USP49: variants seen among roughly 807,000 people sequenced by gnomAD.
The protein encoded by USP49 is ubiquitin carboxyl-terminal hydrolase 49.
In USP49, 24 loss-of-function variants were observed where a neutral mutation model predicts 58.6. The ratio of observed to expected loss-of-function variants is 0.41; its 90% confidence interval spans 0.30 to 0.58. The LOEUF is 0.58. Ranked by LOEUF, USP49 falls within the 20% of genes least tolerant of loss-of-function variation. USP49 has a pLI of 0.30. For synonymous variants in USP49, 408 were observed against 365.1 expected, an observed-to-expected ratio of 1.12 and a Z score of -1.34; for missense variants, 703 against 866.1, an observed-to-expected ratio of 0.81 and a Z score of 2.36.
chr6:41,889,307 A>T (rs917432445), intron 2 of USP49, among the ~76,000 whole-genome samples: 3 of 152,208 alleles, frequency 2.0e-5, no homozygotes, highest in Admixed American at 1.3e-4. Context: ...TGCTAGGATT[A>T]CAGGTATGAG....
At chr6:41,888,293 GA>G (rs1435337114) in intron 2 of USP49, among the ~76,000 whole-genome samples, 9 of 152,120 alleles carry the variant, frequency 5.9e-5, no homozygotes, top group African/African-American at 1.9e-4. Context: ...GGCCTCAAGT[GA>G]TCCACCTGCC....
rs35693450 is a variant in USP49, at chr6:41,863,933, A to ATT, written c.-29+7629_-29+7630dup. 2.0e-3 allele frequency among the ~76,000 whole-genome samples: 273 copies of ATT among 137,666 alleles called. 3 individuals carry two copies. The Middle Eastern group carries it at 0.023, about 12-fold the overall frequency. 90.3% of individuals were successfully genotyped at this position (137,666 alleles called of 152,430 possible). ...CCACCACACCTGGCTAATTTTTGTA[A>ATT]TTTTTTTTTTTTTTTTTGGTAGAGA... On this transcript the variant is annotated intron_variant, in intron 3 of 7. Coordinates refer to ENST00000682992, the MANE Select transcript of USP49 (RefSeq NM_001286554.2).
intron 2 of USP49, among the ~76,000 whole-genome samples, chr6:41,880,557 T>C (rs1247060063): frequency 2.0e-5 from 3 of 152,192 alleles, no homozygotes; most frequent in Non-Finnish European, 4.4e-5. Context: ...ATCAGACTTC[T>C]CGTCAGCAGC....
chr6:41,894,063 CA>C (rs1486569712), intron 1 of USP49: 1 of 151,876 alleles, frequency 6.6e-6, no homozygotes, highest in Non-Finnish European at 1.5e-5. Flanking sequence ...CACCCCCCTG[CA>C]GTCTACCCCA....
chr6:41,844,256 T>G (rs542199483), intron 3 of USP49, among the ~76,000 whole-genome samples: 1 of 151,886 alleles, frequency 6.6e-6, no homozygotes, highest in South Asian at 2.1e-4. Context: ...AACAATTTTC[T>G]AAATGATTGT....
rs114145570 is a variant in USP49, at chr6:41,831,735, C to T, written c.-28-24724G>A. On this transcript the variant is annotated intron_variant, in intron 3 of 7. Transcript: ENST00000682992. Reference sequence around the variant, plus strand: ...CACCACCACAACAACCCATAACCTCCGCTTTTAATGGGCTGTCTGTATGAT... The same window carrying T: ...CACCACCACAACAACCCATAACCTCTGCTTTTAATGGGCTGTCTGTATGAT... Among the ~76,000 whole-genome samples, 1,406 of 152,286 alleles carry T rather than the reference C, an allele frequency of 9.2e-3. 21 individuals carry two copies. The highest frequency in any genetic ancestry group is 0.032 in the African/African-American group (1,327 of 41,564).
intron 4 of USP49, among the ~76,000 whole-genome samples, chr6:41,804,630 T>A (rs2127322204): frequency 6.6e-6 from 1 of 152,254 alleles, no homozygotes; most frequent in South Asian, 2.1e-4. Flanking sequence ...AATTAAACTT[T>A]CCCTTTCCAT....
rs1352958196 is a variant in USP49 at position 41,795,494 on chromosome 6, A to G, written c.*1039T>C. 6.6e-6 allele frequency: 1 copy of G among 152,196 alleles called. No individual in the cohort carries two copies. The highest frequency in any genetic ancestry group is 1.5e-5 in the Non-Finnish European group (1 of 68,046). 9.4% of individuals were successfully genotyped at this position (152,196 alleles called of 1,614,324 possible). On this transcript the variant is annotated 3_prime_UTR_variant, in exon 8 of 8. Coordinates refer to ENST00000682992, the MANE Select transcript of USP49 (RefSeq NM_001286554.2). ...TCAGATATGTACGAGGTGGACTCCT[A>G]AGCAGTTAACATACCCTAGAGAACC...
intron 3 of USP49, among the ~76,000 whole-genome samples, chr6:41,829,612 G>A (rs1213547270): frequency 1.3e-5 from 2 of 152,018 alleles, no homozygotes; most frequent in Non-Finnish European, 2.9e-5. Context: ...CGCGCCTGGC[G>A]GATTCTCTTG....
In USP49 at chr6:41,798,909, CGAT is replaced by C. The variant is rs1487281285; in HGVS notation, c.1688_1690del (p.His563del). 3.7e-6 allele frequency: 6 copies of C among 1,609,364 alleles called. No individual in the cohort carries two copies. The East Asian group carries it at 1.3e-4, about 36-fold the overall frequency. On this transcript the variant is annotated inframe_deletion, in exon 7 of 8. Coordinates refer to ENST00000682992, the MANE Select transcript of USP49 (RefSeq NM_001286554.2). ...GACGACATGGACCCCAATCTTCTCTCGATGATTACGGCCAGACCACCTAGAACA... is the reference window on the plus strand; with the variant it reads ...GACGACATGGACCCCAATCTTCTCTCGATTACGGCCAGACCACCTAGAACA...
intron 5 of USP49, among the ~76,000 whole-genome samples, chr6:41,801,650 T>C (rs1772999285): frequency 1.3e-5 from 2 of 152,134 alleles, no homozygotes; most frequent in South Asian, 4.1e-4. Context: ...GAAGACAATA[T>C]AGAGTCAGGC....
chr6:41,796,809 G>A, intron 7 of USP49, 86 bp from the exon 8 acceptor site: 1 of 669,416 alleles, frequency 1.5e-6, no homozygotes. Flanking sequence ...TGAAGAAAGG[G>A]ACAGAGAAGT....
chr6:41,806,397 A>G lies in USP49; in HGVS notation c.587T>C (p.Leu196Pro), dbSNP rs778547053. The change falls in exon 4 of 8, where the codon CTG (leucine) becomes CCG (proline). Residue 196 changes from leucine (L) to proline (P), a missense_variant. Leu to Pro is a moderately conservative substitution (Grantham distance 98, BLOSUM62 -3). Transcript: ENST00000682992. The surrounding 1 kb of genome is among the most constrained non-coding windows in gnomAD (Gnocchi z 5.9). ...AGGGGTGCTGGCCAGCTCCTCCAGC[A>G]GCCGCCGTTTCACCTCGCGCCGCCG... ...RRRRREVKRR[L>P]LEELASTPPR... 1.0e-5 allele frequency: 16 copies of G among 1,557,366 alleles called. No individual in the cohort carries two copies. The highest frequency in any genetic ancestry group is 1.4e-5 in the Non-Finnish European group (16 of 1,160,630).
chr6:41,855,798 A>G (rs1774119334), intron 3 of USP49, among the ~76,000 whole-genome samples: 1 of 152,226 alleles, frequency 6.6e-6, no homozygotes, highest in African/African-American at 2.4e-5. Flanking sequence ...CTGTAATCCC[A>G]GCACTTTGGG....
intron 5 of USP49, among the ~76,000 whole-genome samples, chr6:41,801,107 G>A (rs890920466): frequency 2.0e-5 from 3 of 152,226 alleles, no homozygotes; most frequent in Non-Finnish European, 4.4e-5. Flanking sequence ...TTGAGGAAAT[G>A]CATTTCTAAA....
intron 3 of USP49, among the ~76,000 whole-genome samples, chr6:41,809,145 C>T (rs1773198157): frequency 6.6e-6 from 1 of 150,934 alleles, no homozygotes; most frequent in Non-Finnish European, 1.5e-5. Flanking sequence ...CTTCTGGGCA[C>T]AGTGATCCTC....
intron 3 of USP49, among the ~76,000 whole-genome samples, chr6:41,832,495 C>T (rs1270210062): frequency 6.6e-6 from 1 of 152,196 alleles, no homozygotes; most frequent in Non-Finnish European, 1.5e-5. Flanking sequence ...AGCTCACACA[C>T]ATGGTGTGTT....
chr6:41,866,126 T>G (rs955101168), intron 3 of USP49, among the ~76,000 whole-genome samples: 4 of 152,014 alleles, frequency 2.6e-5, no homozygotes, highest in Non-Finnish European at 4.4e-5. Context: ...TTCACCGTGT[T>G]AGCCAGGATG....
chr6:41,831,529 G>A (rs1461145611), intron 3 of USP49, among the ~76,000 whole-genome samples: 5 of 149,684 alleles, frequency 3.3e-5, no homozygotes, highest in Non-Finnish European at 5.9e-5. Flanking sequence ...GCAGTGAGCC[G>A]AGACCGTAAC....
Sources: allele counts gnomAD v4.1 joint callset (sites outside exome capture counted in the v4.1 genomes callset), GRCh38; gene constraint gnomAD v4.1.1; non-coding constraint Gnocchi (gnomAD v3.1); transcripts MANE v1.5; gene names NCBI Gene and HGNC (gene_info 2026-07-23, HGNC 2026-07-21).